TTLL5: variants seen among roughly 807,000 people sequenced by gnomAD.
TTLL5 encodes the protein tubulin tyrosine ligase like 5.
In TTLL5, 132 loss-of-function variants were observed where a neutral mutation model predicts 168.4. The observed-to-expected ratio is 0.78, with a 90% CI of 0.68 to 0.91. TTLL5 has a LOEUF of 0.91. Among genes scored for constraint, TTLL5 ranks in the 40% least tolerant of loss-of-function variants. The pLI, the probability that TTLL5 is intolerant of heterozygous loss-of-function variation, is 0.00. For missense variants in TTLL5, 1,545 were observed against 1,581.5 expected, an observed-to-expected ratio of 0.98 and a Z score of 0.39; for synonymous variants, 546 against 558.6, an observed-to-expected ratio of 0.98 and a Z score of 0.32.
chr14:75,909,198 T>C (rs1177913416), intron 31 of TTLL5, among the ~76,000 whole-genome samples: 2 of 151,230 alleles, frequency 1.3e-5, no homozygotes, highest in Non-Finnish European at 2.9e-5. Flanking sequence ...GCACATCTTT[T>C]ATATGCAAAC....
At chr14:75,908,880 G>A (rs1053377492) in intron 31 of TTLL5, among the ~76,000 whole-genome samples, 3 of 152,034 alleles carry the variant, frequency 2.0e-5, no homozygotes, top group Non-Finnish European at 4.4e-5. Flanking sequence ...GGGATCAAGC[G>A]ATCCTCCCAC....
intron 18 of TTLL5, among the ~76,000 whole-genome samples, chr14:75,759,213 C>T (rs1594983451): frequency 6.6e-6 from 1 of 152,066 alleles, no homozygotes; most frequent in South Asian, 2.1e-4. Context: ...TGCTAAGGTG[C>T]GGAAAAAGGA....
At chr14:75,670,008 A>C (rs1248724553) in intron 3 of TTLL5, among the ~76,000 whole-genome samples, 3 of 152,116 alleles carry the variant, frequency 2.0e-5, no homozygotes, top group African/African-American at 4.8e-5. Context: ...GAGTCATGTG[A>C]TATGTGACCT....
chr14:75,882,611 C>T, intron 29 of TTLL5, 74 bp from the exon 30 acceptor site: 6 of 1,330,422 alleles, frequency 4.5e-6, no homozygotes, highest in Non-Finnish European at 4.1e-6. Context: ...GACAGGATTA[C>T]AGACTAGTTA....
At chr14:75,882,965 AT>A in intron 30 of TTLL5, 63 bp downstream of exon 30, 6 of 1,532,678 alleles carry the variant, frequency 3.9e-6, no homozygotes, top group Non-Finnish European at 5.4e-6. Flanking sequence ...AGTACTCTTT[AT>A]TTATTACTCT....
chr14:75,718,059 T>C (rs1307191493), intron 10 of TTLL5, 97 bp downstream of exon 10: 3 of 980,648 alleles, frequency 3.1e-6, no homozygotes, highest in African/African-American at 1.6e-5. Context: ...AGGACAACTT[T>C]ACATTAATGT....
At chr14:75,916,321 A>G (rs1193424407) in intron 31 of TTLL5, among the ~76,000 whole-genome samples, 1 of 152,102 alleles carries the variant, frequency 6.6e-6, no homozygotes, top group South Asian at 2.1e-4. Context: ...TATGAAAAAC[A>G]CTATGGTGGT....
intron 26 of TTLL5, among the ~76,000 whole-genome samples, chr14:75,789,825 C>T (rs1220946886): frequency 2.0e-5 from 3 of 152,152 alleles, no homozygotes; most frequent in African/African-American, 7.2e-5. Context: ...CGGTTCCAAT[C>T]AAAATCTCAA....
intron 30 of TTLL5, among the ~76,000 whole-genome samples, chr14:75,900,906 G>A (rs973890106): frequency 2.0e-5 from 3 of 152,088 alleles, no homozygotes; most frequent in Admixed American, 1.3e-4. Context: ...TTTTATGTAC[G>A]TGCTTTAACG....
At chr14:75,719,630 A>T (rs1453193492) in intron 10 of TTLL5, 105 bp from the exon 11 acceptor site, 8 of 859,432 alleles carry the variant, frequency 9.3e-6, no homozygotes, top group African/African-American at 9.0e-5. Flanking sequence ...AAAGTGAATT[A>T]AAAAAAAAAC....
chr14:75,746,136 C>A (rs932019538), intron 17 of TTLL5, among the ~76,000 whole-genome samples: 3 of 152,174 alleles, frequency 2.0e-5, no homozygotes, highest in Non-Finnish European at 4.4e-5. Flanking sequence ...TACAGTTTTT[C>A]TACAGTTCCA....
intron 28 of TTLL5, chr14:75,820,822 A>G (rs1288796641): frequency 2.0e-5 from 3 of 152,166 alleles, no homozygotes; most frequent in Non-Finnish European, 4.4e-5. Flanking sequence ...AAAAAAAAAA[A>G]GAAATGGATT....
intron 6 of TTLL5, among the ~76,000 whole-genome samples, chr14:75,694,775 C>G (rs1258012625): frequency 6.6e-6 from 1 of 152,204 alleles, no homozygotes; most frequent in Non-Finnish European, 1.5e-5. Flanking sequence ...ATCTTTACTG[C>G]AGTCTCTGAA....
At chr14:75,910,520 C>T (rs574120710) in intron 31 of TTLL5, among the ~76,000 whole-genome samples, 3 of 152,346 alleles carry the variant, frequency 2.0e-5, no homozygotes, top group Non-Finnish European at 2.9e-5. Flanking sequence ...TGTGAACCCA[C>T]ACATCTTATA....
chr14:75,925,093 C>T lies in TTLL5; in HGVS notation c.3823+22869C>T, dbSNP rs1287954705. ...GGCGGCTGGTCGGGCGGGGGGCTGACCCCCCAACCTCCCTCCCGGACGGGG... is the reference window on the plus strand; with the variant it reads ...GGCGGCTGGTCGGGCGGGGGGCTGATCCCCCAACCTCCCTCCCGGACGGGG... On this transcript the variant is annotated intron_variant, in intron 31 of 31. Coordinates refer to ENST00000298832, the MANE Select transcript of TTLL5 (RefSeq NM_015072.5). Among the ~76,000 whole-genome samples the T allele has an allele frequency of 5.5e-5, 8 of 145,158 alleles. No individual in the cohort carries two copies. In the South Asian group the frequency reaches 1.3e-3, roughly 24 times the overall value.
chr14:75,793,629 A>G (rs1892841916), intron 27 of TTLL5, among the ~76,000 whole-genome samples: 1 of 152,192 alleles, frequency 6.6e-6, no homozygotes, highest in African/African-American at 2.4e-5. Context: ...GAAATAAGTG[A>G]TGTGATCAAG....
At chr14:75,720,905 G>A (rs1033590036) in intron 12 of TTLL5, among the ~76,000 whole-genome samples, 1 of 152,200 alleles carries the variant, frequency 6.6e-6, no homozygotes. Context: ...GGAGTAACTA[G>A]CTTTCTGTGT....
At chr14:75,774,359 C>T (rs184564060) in intron 21 of TTLL5, among the ~76,000 whole-genome samples, 6 of 152,296 alleles carry the variant, frequency 3.9e-5, no homozygotes, top group Admixed American at 1.3e-4. Context: ...CCCTCCTTGA[C>T]AACCCCCAAC....
chr14:75,752,793 A>G, intron 17 of TTLL5, 100 bp from the exon 18 acceptor site: 1 of 1,082,698 alleles, frequency 9.2e-7, no homozygotes, highest in Middle Eastern at 2.0e-4. Flanking sequence ...AACAGTATAT[A>G]AGTACCCCTG....
Sources: gnomAD v4.1 joint callset for allele counts (sites outside exome capture counted in the v4.1 genomes callset) on GRCh38, gnomAD v4.1.1 for gene constraint, MANE v1.5 for transcripts, NCBI Gene and HGNC (gene_info 2026-07-23, HGNC 2026-07-21) for gene names.